CEP85L: variants seen among roughly 807,000 people sequenced by gnomAD.
CEP85L encodes the protein centrosomal protein 85L, also known as centrosomal protein of 85 kDa-like.
CEP85L carries 60 observed loss-of-function variants against 100.3 expected under a neutral mutation model. The observed-to-expected ratio is 0.60, with a 90% CI of 0.49 to 0.74. The LOEUF is 0.74. CEP85L is among the 30% of genes least tolerant of loss of function. CEP85L has a pLI of 0.00. For synonymous variants in CEP85L, 319 were observed against 322.7 expected, an observed-to-expected ratio of 0.99 and a Z score of 0.12; for missense variants, 973 against 936.2, an observed-to-expected ratio of 1.04 and a Z score of -0.51.
chr6:118,565,757 G>A lies in CEP85L; in HGVS notation c.792C>T (p.Pro264=), dbSNP rs1191423796. 2.5e-6 allele frequency: 4 copies of A among 1,614,020 alleles called. No homozygotes were observed. The highest frequency in any genetic ancestry group is 3.4e-6 in the Non-Finnish European group (4 of 1,180,018). The change falls in exon 3 of 13, where the codon CCC becomes CCT. Residue 264 remains proline, a synonymous_variant. Transcript: ENST00000368491. ...MTYSALPESK[P]IMTSSEAFEP... ...CAAAAGCCTCTGAGCTTGTCATAAT[G>A]GGCTTGCTTTCAGGTAAGGCACTAT... is the stretch of plus-strand genomic sequence containing the variant.
intron 2 of CEP85L, among the ~76,000 whole-genome samples, chr6:118,614,308 G>C (rs1772867821): frequency 6.6e-6 from 1 of 152,192 alleles, no homozygotes; most frequent in African/African-American, 2.4e-5. Context: ...TGCTATATCT[G>C]TGTAATCAGA....
intron 12 of CEP85L, among the ~76,000 whole-genome samples, chr6:118,467,283 A>G (rs1233351249): frequency 6.7e-6 from 1 of 148,432 alleles, no homozygotes. Context: ...ACTCAGATAA[A>G]GTACTGAATA....
At chr6:118,568,239 G>A (rs1419768166) in intron 2 of CEP85L, among the ~76,000 whole-genome samples, 1 of 152,196 alleles carries the variant, frequency 6.6e-6, no homozygotes, top group Non-Finnish European at 1.5e-5. Context: ...CAGCTTAGTG[G>A]TGGAAGACTG....
At chr6:118,539,222 G>A (rs1332045014) in intron 3 of CEP85L, among the ~76,000 whole-genome samples, 1 of 152,144 alleles carries the variant, frequency 6.6e-6, no homozygotes, top group Admixed American at 6.5e-5. Context: ...TAATGTTCCT[G>A]TAAATGCTGC....
At chr6:118,556,176 T>C (rs1005505297) in intron 3 of CEP85L, among the ~76,000 whole-genome samples, 5 of 152,214 alleles carry the variant, frequency 3.3e-5, no homozygotes, top group African/African-American at 1.2e-4. Context: ...AGTAATGGGA[T>C]TGTTGGGTCG....
At position 118,526,494 on chromosome 6, in the gene CEP85L, T is replaced by C. The variant is rs147784359; in HGVS notation, c.1021-2574A>G. Among the ~76,000 whole-genome samples the C allele has an allele frequency of 8.7e-4, 132 of 152,354 alleles. 1 individual carries two copies. Among genetic ancestry groups the C allele is most frequent in the African/African-American group, 3.0e-3 (124 of 41,574 alleles). On this transcript the variant is annotated intron_variant, in intron 3 of 12. Coordinates refer to ENST00000368491, the MANE Select transcript of CEP85L (RefSeq NM_001042475.3). ...TACCTACAATCTTATTTATACTTAA[T>C]TGGCAGAGCTAACATTCAAACCCAG... is the stretch of plus-strand genomic sequence containing the variant.
At chr6:118,538,952 G>GT (rs1365309950) in intron 3 of CEP85L, among the ~76,000 whole-genome samples, 12 of 151,914 alleles carry the variant, frequency 7.9e-5, no homozygotes, top group African/African-American at 2.9e-4. Context: ...TATGAAACAG[G>GT]TATCTATGAA....
chr6:118,652,135 G>T (rs1368691421), upstream of CEP85L, among the ~76,000 whole-genome samples: 1 of 152,172 alleles, frequency 6.6e-6, no homozygotes, highest in Non-Finnish European at 1.5e-5. Context: ...ATATAGCACC[G>T]GGATGTGCAC....
chr6:118,513,555 A>G (rs1367557964), intron 4 of CEP85L, among the ~76,000 whole-genome samples: 1 of 152,178 alleles, frequency 6.6e-6, no homozygotes, highest in Non-Finnish European at 1.5e-5. Context: ...TACTTTAAGT[A>G]CTAAAATTTA....
chr6:118,480,494 T>C lies in CEP85L; in HGVS notation c.1765A>G (p.Arg589Gly). 1.2e-6 allele frequency: 2 copies of C among 1,607,570 alleles called. No individual in the cohort carries two copies. The highest frequency in any genetic ancestry group is 1.7e-5 in the Admixed American group (1 of 59,618). ...TVQSLQQKVE[R>G]CLEDGIRLPM... ...AGGCGGATTCCATCTTCAAGGCATC[T>C]TTCTACTTTTTGTTGCAAACTATTT... Residue 589 changes from arginine (R) to glycine (G), a missense_variant, in exon 9 of 13, where the codon AGA becomes GGA. This residue lies in a region of CEP85L where 890 missense variants were observed against 844.5 expected (regional missense o/e 1.05). Coordinates refer to ENST00000368491, the MANE Select transcript of CEP85L (RefSeq NM_001042475.3).
intron 3 of CEP85L, among the ~76,000 whole-genome samples, chr6:118,558,372 A>T (rs767915063): frequency 6.6e-6 from 1 of 152,162 alleles, no homozygotes; most frequent in Non-Finnish European, 1.5e-5. Context: ...GACCAGAAAT[A>T]TGCTATAGGA....
chr6:118,509,945 C>G (rs1775873715), intron 5 of CEP85L, among the ~76,000 whole-genome samples: 1 of 151,988 alleles, frequency 6.6e-6, no homozygotes. Context: ...TATCTGTGTT[C>G]CAATTAGACT....
upstream of CEP85L, chr6:118,651,641 G>A: frequency 9.8e-7 from 1 of 1,023,560 alleles, no homozygotes; most frequent in Non-Finnish European, 1.2e-6. Context: ...CCGCGAGGGG[G>A]CGGGGCCTCG....
intron 1 of CEP85L, among the ~76,000 whole-genome samples, chr6:118,662,180 T>C (rs1385604326): frequency 2.0e-5 from 3 of 152,214 alleles, no homozygotes; most frequent in African/African-American, 4.8e-5. Context: ...GTGAGCACTG[T>C]GCCAAGAATT....
At chr6:118,658,342 A>C (rs1158759133) in intron 1 of CEP85L, among the ~76,000 whole-genome samples, 1 of 152,240 alleles carries the variant, frequency 6.6e-6, no homozygotes, top group Non-Finnish European at 1.5e-5. Flanking sequence ...CTAAAACCAG[A>C]CACAAGTGTG....
chr6:118,470,702 A>G (rs1247228333), intron 10 of CEP85L, 58 bp from the exon 11 acceptor site: 2 of 937,460 alleles, frequency 2.1e-6, no homozygotes, highest in South Asian at 3.2e-5. Context: ...GAAAAATCTC[A>G]AACAGAAAGA....
Position 118,560,161 on chromosome 6 carries a change from T to G in CEP85L, c.1020+5368A>C, listed in dbSNP as rs891956026. On this transcript the variant is annotated intron_variant, in intron 3 of 12. Transcript: ENST00000368491. The stretch of plus-strand genomic sequence containing the variant: ...ATTTTGAAATGAACTTGTTGGCCCA[T>G]CTATTACATCTACAGCTGACCCTTG... 7.8e-5 allele frequency: 13 copies of G among 167,050 alleles called. No homozygotes were observed. The Admixed American group carries it at 7.9e-4, about 10-fold the overall frequency. The allele number at this position is 167,050 out of a possible 1,614,324, so 10.3% of individuals were successfully genotyped here.
At chr6:118,669,964 T>C (rs1277040032) in intron 1 of CEP85L, among the ~76,000 whole-genome samples, 1 of 149,956 alleles carries the variant, frequency 6.7e-6, no homozygotes, top group Non-Finnish European at 1.5e-5. Context: ...CCTCCAACTT[T>C]GTATCTTCGA....
At chr6:118,505,008 T>C (rs1417797316) in intron 5 of CEP85L, among the ~76,000 whole-genome samples, 1 of 152,130 alleles carries the variant, frequency 6.6e-6, no homozygotes, top group Non-Finnish European at 1.5e-5. Context: ...ACTTGGAAAT[T>C]ATCAAGATGC....
Sources: allele counts gnomAD v4.1 joint callset (sites outside exome capture counted in the v4.1 genomes callset), GRCh38; gene constraint gnomAD v4.1.1; regional missense constraint gnomAD v4.1.1; transcripts MANE v1.5; gene names NCBI Gene and HGNC (gene_info 2026-07-23, HGNC 2026-07-21).